Variants in IFIT3 observed in about 807,000 individuals in gnomAD.
IFIT3 encodes interferon induced protein with tetratricopeptide repeats 3.
IFIT3 carries 2 observed loss-of-function variants against 2.4 expected under a neutral mutation model. That is an observed-to-expected ratio of 0.82 (90% CI 0.34 to 2.60). IFIT3 has a LOEUF of 2.60. Ranked by LOEUF, IFIT3 falls within the 30% of genes most tolerant of loss-of-function variation. The pLI, the probability that IFIT3 is intolerant of heterozygous loss-of-function variation, is 0.11. For missense variants in IFIT3, 481 were observed against 562.4 expected (o/e 0.86, Z 1.46); for synonymous variants, 203 against 212.1 (o/e 0.96, Z 0.37).
intron 1 of IFIT3, among the ~76,000 whole-genome samples, chr10:89,334,587 C>T (rs550322640): frequency 7.7e-5 from 6 of 77,674 alleles, no homozygotes; most frequent in African/African-American, 7.7e-4. Context: ...CCTCCGCCTT[C>T]CGGTTTCAAG....
rs371804548 is a variant in IFIT3 at position 89,338,656 on chromosome 10, C to T, written c.6-5C>T. 1.2e-5 allele frequency: 20 copies of T among 1,605,918 alleles called. No homozygotes were observed. The highest frequency in any genetic ancestry group is 1.6e-5 in the Non-Finnish European group (19 of 1,175,314). On this transcript the variant is annotated splice_region_variant and splice_polypyrimidine_tract_variant and intron_variant, in intron 1 of 1. Coordinates refer to ENST00000371818, the MANE Select transcript of IFIT3 (RefSeq NM_001549.6). ...TCACAGTGACCATGTTTATTTTCTC[C>T]ACAGTGAGGTCACCAAGAATTCCCT...
Position 89,339,377 on chromosome 10 carries a change from C to T in IFIT3, c.722C>T (p.Thr241Ile). The change falls in exon 2 of 2, where the codon ACA (threonine) becomes ATA (isoleucine). Residue 241 changes from threonine (T) to isoleucine (I), a missense_variant. Physicochemically the swap from Thr to Ile is moderately conservative, Grantham distance 89. Coordinates refer to ENST00000371818, the MANE Select transcript of IFIT3 (RefSeq NM_001549.6). ...GCCTTGGAAAAGTCTCCTTGCCAAA[C>T]AGATGTCCTCCGCAGTGCAGCCAAA... is the stretch of plus-strand genomic sequence containing the variant. Reference protein sequence around the residue: ...EEALEKSPCQTDVLRSAAKFY... With the variant: ...EEALEKSPCQIDVLRSAAKFY... 3 of 1,614,078 alleles carry T rather than the reference C, an allele frequency of 1.9e-6. No homozygotes were observed. The highest frequency in any genetic ancestry group is 2.5e-6 in the Non-Finnish European group (3 of 1,179,990).
chr10:89,340,422 G>GTAGTACA lies in IFIT3; in HGVS notation c.*295_*296insAGTACAT. ...AAATACAAAAAATTAGCCAGGCGTGGTGGCTGGCACCTGTAGTCCCAGCTA... is the reference window on the plus strand; with the variant it reads ...AAATACAAAAAATTAGCCAGGCGTGGTAGTACATGGCTGGCACCTGTAGTCCCAGCTA... On this transcript the variant is annotated 3_prime_UTR_variant, in exon 2 of 2. Coordinates refer to ENST00000371818, the MANE Select transcript of IFIT3 (RefSeq NM_001549.6). 3 of 198,540 alleles carry GTAGTACA rather than the reference G, an allele frequency of 1.5e-5. No individual in the cohort carries two copies. The highest frequency in any genetic ancestry group is 3.1e-5 in the Non-Finnish European group (3 of 95,696). The allele number at this position is 198,540 out of a possible 1,614,324, so 12.3% of individuals were successfully genotyped here. A position where few individuals can be genotyped will look rare whatever the true frequency, so the allele number is the denominator to read the frequency against.
chr10:89,339,270 T>C lies in IFIT3; in HGVS notation c.615T>C (p.Asp205=). Residue 205 remains aspartate, a synonymous_variant, in exon 2 of 2, where the codon GAT becomes GAC. Coordinates refer to ENST00000371818, the MANE Select transcript of IFIT3 (RefSeq NM_001549.6). The stretch of plus-strand genomic sequence containing the variant: ...AGCAGGCCATTGAGCTGAGTCCTGA[T>C]AACCAATACGTCAAGGTTCTCTTGG... ...VLKQAIELSP[D]NQYVKVLLGL... 1.9e-6 allele frequency: 3 copies of C among 1,614,180 alleles called. No homozygotes were observed. Among genetic ancestry groups the C allele is most frequent in the Non-Finnish European group, 1.7e-6 (2 of 1,180,022 alleles).
rs1303942643 is a variant in IFIT3, at chr10:89,340,824, T to C, written c.*696T>C. Reference sequence around the variant, plus strand: ...CATCCAGACTTCTGGAACTCAAAGATTAACTTTTGACTAACCCTGGAATAT... The same window carrying C: ...CATCCAGACTTCTGGAACTCAAAGACTAACTTTTGACTAACCCTGGAATAT... On this transcript the variant is annotated 3_prime_UTR_variant, in exon 2 of 2. Transcript: ENST00000371818. The C allele has an allele frequency of 6.6e-6, 1 of 152,208 alleles. No homozygotes were observed. The highest frequency in any genetic ancestry group is 1.5e-5 in the Non-Finnish European group (1 of 68,034). The allele number at this position is 152,208 out of a possible 1,614,324, so 9.4% of individuals were successfully genotyped here.
chr10:89,331,943 T>G (rs1286653587), intron 1 of IFIT3, among the ~76,000 whole-genome samples: 1 of 151,020 alleles, frequency 6.6e-6, no homozygotes, highest in East Asian at 2.0e-4. Flanking sequence ...AAAGACTAGG[T>G]TGTCTGAGGC....
chr10:89,334,059 G>T (rs1843691600), intron 1 of IFIT3, among the ~76,000 whole-genome samples: 1 of 152,124 alleles, frequency 6.6e-6, no homozygotes, highest in African/African-American at 2.4e-5. Flanking sequence ...CACATGCTGG[G>T]GACAAGCTGC....
chr10:89,332,551 C>T, intron 1 of IFIT3: 1 of 1,613,642 alleles, frequency 6.2e-7, no homozygotes. Context: ...TCAGCATTTG[C>T]TTGGAATCAG....
chr10:89,328,095 T>C lies in IFIT3; in HGVS notation c.5+17T>C, dbSNP rs1336222357. On this transcript the variant is annotated intron_variant, in intron 1 of 1. Transcript: ENST00000371818. ...AGTCATGAGGTCAGTGAAATAAGAA[T>C]GCATAATCATGCTTGTTTTTGAGTG... The C allele has an allele frequency of 6.2e-7, 1 of 1,613,264 alleles. No individual in the cohort carries two copies. Among genetic ancestry groups the C allele is most frequent in the Non-Finnish European group, 8.5e-7 (1 of 1,179,224 alleles).
At position 89,339,361 on chromosome 10, in the gene IFIT3, A is replaced by G. The variant is rs763258991; in HGVS notation, c.706A>G (p.Lys236Glu). The change falls in exon 2 of 2, where the codon AAG (lysine) becomes GAG (glutamate). Residue 236 changes from lysine to glutamate, a missense_variant. Physicochemically the swap from Lys to Glu is moderately conservative, Grantham distance 56. Transcript: ENST00000371818. ...GCAGTTTGTTGAAGAAGCCTTGGAA[A>G]AGTCTCCTTGCCAAACAGATGTCCT... ...GEQFVEEALE[K>E]SPCQTDVLRS... is the part of the protein sequence containing the mutation. 6.2e-7 allele frequency: 1 copy of G among 1,613,812 alleles called. No individual in the cohort carries two copies. Among genetic ancestry groups the G allele is most frequent in the East Asian group, 2.2e-5 (1 of 44,882 alleles).
At chr10:89,330,240 G>A (rs1464538968) in intron 1 of IFIT3, among the ~76,000 whole-genome samples, 1 of 152,134 alleles carries the variant, frequency 6.6e-6, no homozygotes, top group Non-Finnish European at 1.5e-5. Context: ...AACAGCCCTA[G>A]GAAGTAAGAG....
At chr10:89,328,697 A>G (rs948524581) in intron 1 of IFIT3, among the ~76,000 whole-genome samples, 8 of 152,354 alleles carry the variant, frequency 5.3e-5, no homozygotes, top group African/African-American at 1.7e-4. Flanking sequence ...AAACAAACCC[A>G]AAGCTTAGCA....
intron 1 of IFIT3, among the ~76,000 whole-genome samples, chr10:89,333,052 T>C (rs1395803030): frequency 6.6e-6 from 1 of 152,238 alleles, no homozygotes; most frequent in Non-Finnish European, 1.5e-5. Context: ...TCTCAGCAAA[T>C]GTGTCAATAA....
At chr10:89,336,672 A>G (rs962974880) in intron 1 of IFIT3, among the ~76,000 whole-genome samples, 1 of 152,180 alleles carries the variant, frequency 6.6e-6, no homozygotes, top group Admixed American at 6.5e-5. Flanking sequence ...TTTCTTTTCT[A>G]TCTTTTAAAA....
At position 89,339,291 on chromosome 10, in the gene IFIT3, C is replaced by A; in HGVS notation, c.636C>A (p.Leu212=). 1 of 1,614,094 alleles carries A rather than the reference C, an allele frequency of 6.2e-7. No individual in the cohort carries two copies. The highest frequency in any genetic ancestry group is 8.5e-7 in the Non-Finnish European group (1 of 1,179,986). The change falls in exon 2 of 2, where the codon CTC becomes CTA. Residue 212 remains leucine, a synonymous_variant. Transcript: ENST00000371818. ...LSPDNQYVKV[L]LGLKLQKMNK... ...CTGATAACCAATACGTCAAGGTTCT[C>A]TTGGGCCTGAAACTGCAGAAGATGA...
At chr10:89,328,813 G>A (rs1483283522) in intron 1 of IFIT3, among the ~76,000 whole-genome samples, 2 of 152,118 alleles carry the variant, frequency 1.3e-5, no homozygotes, top group Non-Finnish European at 2.9e-5. Flanking sequence ...AATCTCTAAT[G>A]GTGGGAAGCA....
At chr10:89,329,840 G>A (rs1027850915) in intron 1 of IFIT3, among the ~76,000 whole-genome samples, 1 of 152,136 alleles carries the variant, frequency 6.6e-6, no homozygotes, top group East Asian at 1.9e-4. Context: ...TTTCACCTGG[G>A]TGCAGGTGGG....
intron 1 of IFIT3, among the ~76,000 whole-genome samples, chr10:89,333,190 C>G (rs1263075446): frequency 6.6e-6 from 1 of 152,086 alleles, no homozygotes; most frequent in African/African-American, 2.4e-5. Context: ...GCTAAGCCTC[C>G]CACGTGATCA....
intron 1 of IFIT3, among the ~76,000 whole-genome samples, chr10:89,335,177 G>A (rs528725618): frequency 6.6e-6 from 1 of 152,248 alleles, no homozygotes; most frequent in African/African-American, 2.4e-5. Flanking sequence ...AGAGAATCAA[G>A]GGACCCAATT....
Sources: gnomAD v4.1 joint callset for allele counts (sites outside exome capture counted in the v4.1 genomes callset) on GRCh38, gnomAD v4.1.1 for gene constraint, MANE v1.5 for transcripts, NCBI Gene and HGNC (gene_info 2026-07-23, HGNC 2026-07-21) for gene names.